MAST3: variants seen among roughly 807,000 people sequenced by gnomAD.
MAST3 encodes microtubule-associated serine/threonine-protein kinase 3.
MAST3 carries 43 observed loss-of-function variants against 127.0 expected under a neutral mutation model. That is an observed-to-expected ratio of 0.34 (90% CI 0.27 to 0.44). The LOEUF (loss-of-function observed/expected upper bound fraction) is 0.44, where lower values mean the gene tolerates loss of function less well. Among genes scored for constraint, MAST3 ranks in the 20% least tolerant of loss-of-function variants. The probability of loss-of-function intolerance (pLI) is 1.00; values close to 1 mark genes in which losing one functional copy is unlikely to be tolerated. For missense variants in MAST3, 1,390 were observed against 1,919.1 expected (o/e 0.72, Z 5.15); for synonymous variants, 785 against 809.2 (o/e 0.97, Z 0.51).
intron 11 of MAST3, among the ~76,000 whole-genome samples, chr19:18,125,194 C>T (rs764192334): frequency 1.1e-4 from 16 of 152,206 alleles, no homozygotes; most frequent in Non-Finnish European, 2.1e-4. Flanking sequence ...TTCTTTGTCT[C>T]TCTGTGGCCT....
chr19:18,135,705 T>A (rs1194959096), intron 17 of MAST3, 35 bp from the exon 18 acceptor site: 1 of 1,512,446 alleles, frequency 6.6e-7, no homozygotes, highest in Admixed American at 1.8e-5. Flanking sequence ...GCCTTCTCCC[T>A]CCCTCCCTCA....
intron 11 of MAST3, among the ~76,000 whole-genome samples, chr19:18,126,901 C>T (rs1378048576): frequency 2.0e-5 from 3 of 151,974 alleles, no homozygotes; most frequent in Non-Finnish European, 2.9e-5. Flanking sequence ...CTGCCTCAGC[C>T]TCCCGAGTAG....
rs773416904 is a variant in MAST3, at chr19:18,144,467, C to T, written c.2586C>T (p.Ala862=). The change falls in exon 23 of 28, where the codon GCC becomes GCT. Residue 862 remains alanine (A), a splice_region_variant and synonymous_variant. Transcript: ENST00000687212. The surrounding 1 kb of genome is among the most constrained non-coding windows in gnomAD (Gnocchi z 4.0). ...CAGCTGACCCTGCTGACCCTCTAGC[C>T]GACACAGCTGCTCTCAGCCACGCCC... ...PVMPKPSSLS[A]DTAALSHARL... is the part of the protein sequence containing the mutation. 10 of 1,560,390 alleles carry T rather than the reference C, an allele frequency of 6.4e-6. No individual in the cohort carries two copies. The highest frequency in any genetic ancestry group is 1.7e-4 in the Middle Eastern group (1 of 5,818).
At position 18,132,006 on chromosome 19, in the gene MAST3, G is replaced by A; in HGVS notation, c.1530G>A (p.Leu510=). Reference sequence around the variant, plus strand: ...AGACGGTGTTGGCGCTGGAGTACCTGCATAACTATGGCATCGTGCACCGTG... The same window carrying A: ...AGACGGTGTTGGCGCTGGAGTACCTACATAACTATGGCATCGTGCACCGTG... ...FAETVLALEY[L]HNYGIVHRDL... The change falls in exon 15 of 28, where the codon CTG becomes CTA. Residue 510 remains leucine (L), a synonymous_variant. Coordinates refer to ENST00000687212, the MANE Select transcript of MAST3 (RefSeq NM_001393504.1). 4 of 1,614,220 alleles carry A rather than the reference G, an allele frequency of 2.5e-6. No homozygotes were observed. The highest frequency in any genetic ancestry group is 3.4e-6 in the Non-Finnish European group (4 of 1,180,050).
chr19:18,141,360 T>TGGACTAAG (rs983114852), intron 20 of MAST3, among the ~76,000 whole-genome samples: 1 of 140,656 alleles, frequency 7.1e-6, no homozygotes, highest in Admixed American at 7.7e-5. Context: ...TAGGAATCAC[T>TGGACTAAG]GGACTAAGCC....
rs61501122 is a variant in MAST3 at position 18,149,985 on chromosome 19, C to CTTTT, written c.*275_*278dup. 2 of 195,566 alleles carry CTTTT rather than the reference C, an allele frequency of 1.0e-5. No homozygotes were observed. Among genetic ancestry groups the CTTTT allele is most frequent in the African/African-American group, 4.0e-5 (1 of 24,770 alleles). The allele number at this position is 195,566 out of a possible 1,614,324, so 12.1% of individuals were successfully genotyped here. On this transcript the variant is annotated 3_prime_UTR_variant, in exon 28 of 28. Transcript: ENST00000687212. This position sits in a 1 kb window ranked among gnomAD's most constrained non-coding sequence, Gnocchi z 5.9. ...GCAACTAATTTATTACTTTTTTTTT[C>CTTTT]TTTTTTTTTTTTTTTTTTTGAGACA... is the stretch of plus-strand genomic sequence containing the variant.
chr19:18,125,299 A>G lies in MAST3; in HGVS notation c.1078+525A>G, dbSNP rs1309646141. 4.6e-5 allele frequency among the ~76,000 whole-genome samples: 7 copies of G among 152,232 alleles called. No individual in the cohort carries two copies. The East Asian group carries it at 1.3e-3, about 29-fold the overall frequency. ...CCTCAAATGCCACGTTAAGATGGTCAGGAAGCCTGGGGACCAGTGTTAGCA... is the reference window on the plus strand; with the variant it reads ...CCTCAAATGCCACGTTAAGATGGTCGGGAAGCCTGGGGACCAGTGTTAGCA... On this transcript the variant is annotated intron_variant, in intron 11 of 27. Transcript: ENST00000687212.
chr19:18,145,942 C>A lies in MAST3; in HGVS notation c.3162+77C>A. On this transcript the variant is annotated intron_variant, in intron 25 of 27. Transcript: ENST00000687212. The surrounding 1 kb of genome is among the most constrained non-coding windows in gnomAD (Gnocchi z 5.9). ...CAGCTCCCGGTTCCCCGTGGTTCTC[C>A]GCGTCCAGACACACAACCCCACATT... 6.8e-7 allele frequency: 1 copy of A among 1,469,462 alleles called. No homozygotes were observed. The highest frequency in any genetic ancestry group is 1.3e-5 in the South Asian group (1 of 74,424). The allele number at this position is 1,469,462 out of a possible 1,614,324, so 91.0% of individuals were successfully genotyped here.
intron 1 of MAST3, among the ~76,000 whole-genome samples, chr19:18,103,162 G>A (rs2037789430): frequency 6.6e-6 from 1 of 152,168 alleles, no homozygotes; most frequent in Admixed American, 6.5e-5. Flanking sequence ...AGTGGTGCCA[G>A]GAGAGTTCTG....
At position 18,145,936 on chromosome 19, in the gene MAST3, G is replaced by A. The variant is rs2042973029; in HGVS notation, c.3162+71G>A. The A allele has an allele frequency of 4.0e-6, 6 of 1,487,012 alleles. No homozygotes were observed. The highest frequency in any genetic ancestry group is 1.3e-5 in the South Asian group (1 of 75,542). 92.1% of individuals were successfully genotyped at this position (1,487,012 alleles called of 1,614,324 possible). Reference sequence around the variant, plus strand: ...TGGCCGCAGCTCCCGGTTCCCCGTGGTTCTCCGCGTCCAGACACACAACCC... The same window carrying A: ...TGGCCGCAGCTCCCGGTTCCCCGTGATTCTCCGCGTCCAGACACACAACCC... On this transcript the variant is annotated intron_variant, in intron 25 of 27. Coordinates refer to ENST00000687212, the MANE Select transcript of MAST3 (RefSeq NM_001393504.1). The surrounding 1 kb of genome is among the most constrained non-coding windows in gnomAD (Gnocchi z 5.9).
chr19:18,148,078 G>C (rs1442064580), intron 27 of MAST3, among the ~76,000 whole-genome samples: 3 of 152,142 alleles, frequency 2.0e-5, no homozygotes, highest in Non-Finnish European at 2.9e-5. Context: ...GAGGCAGGTG[G>C]ATCACCTGAG....
At chr19:18,147,673 GCT>G in intron 27 of MAST3, 49 bp downstream of exon 27, 2 of 1,345,984 alleles carry the variant, frequency 1.5e-6, no homozygotes, top group Non-Finnish European at 2.0e-6. Flanking sequence ...GGGAGCAAGG[GCT>G]GGTGGGCCCC....
Position 18,110,403 on chromosome 19 carries a change from G to T in MAST3, c.72-249G>T. 1.0e-6 allele frequency: 1 copy of T among 985,326 alleles called. No individual in the cohort carries two copies. The highest frequency in any genetic ancestry group is 1.7e-5 in the African/African-American group (1 of 57,298). 61.0% of individuals were successfully genotyped at this position (985,326 alleles called of 1,614,324 possible). On this transcript the variant is annotated intron_variant, in intron 2 of 27. Transcript: ENST00000687212. This position sits in a 1 kb window ranked among gnomAD's most constrained non-coding sequence, Gnocchi z 4.3. ...GCAGGGCGGGGGTATGCGGGGTGCAGGGAGGACAGGATGACAACTACCCTC... is the reference window on the plus strand; with the variant it reads ...GCAGGGCGGGGGTATGCGGGGTGCATGGAGGACAGGATGACAACTACCCTC...
At chr19:18,142,335 T>C (rs1175462060) in intron 21 of MAST3, among the ~76,000 whole-genome samples, 1 of 151,722 alleles carries the variant, frequency 6.6e-6, no homozygotes. Flanking sequence ...AGGATGGGTG[T>C]TGGAAGCTGG....
At chr19:18,143,153 G>A (rs2042691958) in intron 21 of MAST3, among the ~76,000 whole-genome samples, 1 of 151,744 alleles carries the variant, frequency 6.6e-6, no homozygotes, top group Admixed American at 6.6e-5. Flanking sequence ...TTGCAGAGAT[G>A]GGGTCTCCTT....
intron 7 of MAST3, 90 bp downstream of exon 7, chr19:18,123,464 C>T (rs993539807): frequency 6.7e-7 from 1 of 1,488,262 alleles, no homozygotes; most frequent in Non-Finnish European, 9.0e-7. Flanking sequence ...CCAGCCCTGA[C>T]CCTGCCTGAG....
Position 18,123,267 on chromosome 19 carries a change from G to C in MAST3, c.450G>C (p.Thr150=). Residue 150 remains threonine (T), a synonymous_variant, in exon 7 of 28, where the codon ACG becomes ACC. Coordinates refer to ENST00000687212, the MANE Select transcript of MAST3 (RefSeq NM_001393504.1). ...TCCACCAGCTTCCCTTCCAGCCGACGCCGGACGAGCTGCACTTCCTGTCCA... is the reference window on the plus strand; with the variant it reads ...TCCACCAGCTTCCCTTCCAGCCGACCCCGGACGAGCTGCACTTCCTGTCCA... ...ERLHQLPFQP[T]PDELHFLSKH... The C allele has an allele frequency of 6.2e-7, 1 of 1,613,810 alleles. No homozygotes were observed. Among genetic ancestry groups the C allele is most frequent in the Non-Finnish European group, 8.5e-7 (1 of 1,179,890 alleles).
Position 18,143,861 on chromosome 19 carries a change from A to G in MAST3, c.2438A>G (p.Asp813Gly). The G allele has an allele frequency of 6.2e-7, 1 of 1,613,922 alleles. No homozygotes were observed. Among genetic ancestry groups the G allele is most frequent in the Middle Eastern group, 1.6e-4 (1 of 6,062 alleles). The change falls in exon 22 of 28, where the codon GAC (aspartate) becomes GGC (glycine). Residue 813 changes from aspartate (D) to glycine (G), a missense_variant. This residue lies in a region of MAST3 where 816 missense variants were observed against 934.1 expected (regional missense o/e 0.87). Transcript: ENST00000687212. ...SPSLLNTISL[D>G]TMPKFAFSSE... ...TCTCTCCTGAATACCATCAGCCTGG[A>G]CACAATGCCCAAGTTTGCCTTCTCA...
intron 2 of MAST3, among the ~76,000 whole-genome samples, chr19:18,109,784 G>A (rs2038369902): frequency 6.6e-6 from 1 of 152,214 alleles, no homozygotes. Flanking sequence ...GCGCGGGGAT[G>A]CGGAGACCCG....
Sources: allele counts gnomAD v4.1 joint callset (sites outside exome capture counted in the v4.1 genomes callset), GRCh38; gene constraint gnomAD v4.1.1; regional missense constraint gnomAD v4.1.1; non-coding constraint Gnocchi (gnomAD v3.1); transcripts MANE v1.5; gene names NCBI Gene and HGNC (gene_info 2026-07-23, HGNC 2026-07-21).